The following RXRA variants were observed in gnomAD, a reference collection of about 807,000 sequenced individuals.
The protein encoded by RXRA is retinoic acid receptor RXR-alpha.
Under a neutral mutation model 44.5 loss-of-function variants are expected in RXRA, and 5 were observed. The ratio of observed to expected loss-of-function variants is 0.11; its 90% CI spans 0.06 to 0.24. RXRA has a LOEUF of 0.24. RXRA is among the 10% of genes least tolerant of loss of function. The probability of loss-of-function intolerance (pLI) is 1.00; values close to 1 mark genes in which losing one functional copy is unlikely to be tolerated. For synonymous variants in RXRA, 291 were observed against 271.4 expected (o/e 1.07, Z -0.71); for missense variants, 412 against 646.5 (o/e 0.64, Z 3.93).
At chr9:134,377,568 G>A (rs1830576930) in intron 1 of RXRA, among the ~76,000 whole-genome samples, 1 of 152,192 alleles carries the variant, frequency 6.6e-6, no homozygotes, top group Non-Finnish European at 1.5e-5. Flanking sequence ...CACACCCCCA[G>A]CTCCCGCGAC....
intron 5 of RXRA, among the ~76,000 whole-genome samples, chr9:134,421,252 G>A (rs1199844399): frequency 1.3e-5 from 2 of 152,194 alleles, no homozygotes; most frequent in African/African-American, 4.8e-5. Context: ...GCTGGCTCCT[G>A]GAGGCTCTGC....
rs975280271 is a variant in RXRA, at chr9:134,365,157, G to A, written c.29-36475G>A. 6.6e-6 allele frequency among the ~76,000 whole-genome samples: 1 copy of A among 152,238 alleles called. No individual in the cohort carries two copies. The highest frequency in any genetic ancestry group is 1.9e-4 in the East Asian group (1 of 5,192). On this transcript the variant is annotated intron_variant, in intron 1 of 9. Coordinates refer to ENST00000481739, the MANE Select transcript of RXRA (RefSeq NM_002957.6). This position sits in a 1 kb window ranked among gnomAD's most constrained non-coding sequence, Gnocchi z 4.0. ...GCCACCACAGAGGCGGCTGTTGCTG[G>A]AGGGCTGATGGCACGCTGGGCCCGG...
chr9:134,335,435 A>AG (rs1260732959), intron 1 of RXRA, among the ~76,000 whole-genome samples: 2 of 152,176 alleles, frequency 1.3e-5, no homozygotes, highest in African/African-American at 4.8e-5. Context: ...GATTCTTTCC[A>AG]GGGGGATCTG....
At chr9:134,386,666 G>A (rs910354818) in intron 1 of RXRA, among the ~76,000 whole-genome samples, 1 of 152,198 alleles carries the variant, frequency 6.6e-6, no homozygotes, top group African/African-American at 2.4e-5. Flanking sequence ...GTCAGCAACA[G>A]CAAACTGAGG....
At chr9:134,405,943 C>G (rs1051834908) in intron 2 of RXRA, 3 of 152,360 alleles carry the variant, frequency 2.0e-5, no homozygotes, top group Admixed American at 2.0e-4. Flanking sequence ...GCCCCTGTGC[C>G]TGGGACACCC....
chr9:134,408,677 A>C (rs1831096899), intron 3 of RXRA, among the ~76,000 whole-genome samples: 1 of 152,226 alleles, frequency 6.6e-6, no homozygotes. Context: ...CGGGCTGCAC[A>C]GTGCAGACAC....
chr9:134,368,570 G>A (rs1037540737), intron 1 of RXRA, among the ~76,000 whole-genome samples: 28 of 151,780 alleles, frequency 1.8e-4, no homozygotes, highest in South Asian at 4.2e-4. Flanking sequence ...TATTTTGTAT[G>A]TATAGGTATG....
chr9:134,353,194 A>G (rs1830242710), intron 1 of RXRA, among the ~76,000 whole-genome samples: 1 of 151,920 alleles, frequency 6.6e-6, no homozygotes, highest in Non-Finnish European at 1.5e-5. Context: ...TTTACTTTTG[A>G]AACAAGAGCA....
intron 1 of RXRA, among the ~76,000 whole-genome samples, chr9:134,378,125 G>A (rs2119095650): frequency 6.6e-6 from 1 of 152,368 alleles, no homozygotes; most frequent in Non-Finnish European, 1.5e-5. Context: ...CAGGAAGCTG[G>A]CAGCCACCCA....
chr9:134,386,828 G>A lies in RXRA; in HGVS notation c.29-14804G>A, dbSNP rs565951732. On this transcript the variant is annotated intron_variant, in intron 1 of 9. Transcript: ENST00000481739. ...CTGGGCTCTGGGCAAGGGTGGGAGC[G>A]TGGGTGGTTCTCCTCCCTCTCCTTA... is the stretch of plus-strand genomic sequence containing the variant. Among the ~76,000 whole-genome samples the A allele has an allele frequency of 2.6e-5, 4 of 152,306 alleles. No homozygotes were observed. The East Asian group carries it at 7.7e-4, about 29-fold the overall frequency.
intron 2 of RXRA, 133 bp from the exon 3 acceptor site, chr9:134,408,016 A>T: frequency 1.8e-6 from 1 of 557,502 alleles, no homozygotes; most frequent in Non-Finnish European, 3.0e-6. Flanking sequence ...GGTGGGGGGC[A>T]CGGCCCTCTC....
chr9:134,416,722 G>A (rs931740888), intron 4 of RXRA, among the ~76,000 whole-genome samples: 1 of 151,952 alleles, frequency 6.6e-6, no homozygotes, highest in African/African-American at 2.4e-5. Flanking sequence ...TCATGAGCGT[G>A]CTCTGCTCTG....
At chr9:134,418,850 C>T (rs1404931832) in intron 5 of RXRA, among the ~76,000 whole-genome samples, 1 of 152,230 alleles carries the variant, frequency 6.6e-6, no homozygotes, top group Non-Finnish European at 1.5e-5. Flanking sequence ...AGCGACCCCA[C>T]CCTGCTCGTT....
At chr9:134,356,079 A>G (rs1481280529) in intron 1 of RXRA, among the ~76,000 whole-genome samples, 1 of 152,100 alleles carries the variant, frequency 6.6e-6, no homozygotes, top group East Asian at 1.9e-4. Flanking sequence ...GTCTCAGGCC[A>G]GGCCTCCTTT....
rs1385846596 is a variant in RXRA, at chr9:134,439,135, G to A, written c.*2521G>A. 6.6e-6 allele frequency: 1 copy of A among 152,190 alleles called. No individual in the cohort carries two copies. The highest frequency in any genetic ancestry group is 1.5e-5 in the Non-Finnish European group (1 of 68,028). 9.4% of individuals were successfully genotyped at this position (152,190 alleles called of 1,614,324 possible). A position where few individuals can be genotyped will look rare whatever the true frequency, so the allele number is the denominator to read the frequency against. On this transcript the variant is annotated 3_prime_UTR_variant, in exon 10 of 10. Coordinates refer to ENST00000481739, the MANE Select transcript of RXRA (RefSeq NM_002957.6). The stretch of plus-strand genomic sequence containing the variant: ...TCCAGTTCAATTAAGGTGATTTTTT[G>A]TAATTATTATTATTTTGGTGGGACA...
chr9:134,326,486 C>A lies in RXRA; in HGVS notation c.-146C>A, dbSNP rs1241331594. The A allele has an allele frequency of 7.0e-6, 1 of 142,360 alleles. No homozygotes were observed. The highest frequency in any genetic ancestry group is 1.6e-5 in the Non-Finnish European group (1 of 64,412). 8.8% of individuals were successfully genotyped at this position (142,360 alleles called of 1,614,324 possible). ...CATTGTTGGGCGACTTTTGCAACAACTCGCCGCGCCGCGGCCTCCGCGCGC... is the reference window on the plus strand; with the variant it reads ...CATTGTTGGGCGACTTTTGCAACAAATCGCCGCGCCGCGGCCTCCGCGCGC... On this transcript the variant is annotated 5_prime_UTR_variant, in exon 1 of 10. Transcript: ENST00000481739.
At chr9:134,403,254 A>G (rs12352012) in intron 2 of RXRA, 16,435 of 152,230 alleles carry the variant, frequency 0.11, 2,905 homozygotes, top group African/African-American at 0.37. Context: ...TTCTGGGCCA[A>G]CCCCATCAAA....
chr9:134,366,826 G>A lies in RXRA; in HGVS notation c.29-34806G>A, dbSNP rs1356580910. Among the ~76,000 whole-genome samples, 1 of 152,214 alleles carries A rather than the reference G, an allele frequency of 6.6e-6. No homozygotes were observed. The highest frequency in any genetic ancestry group is 1.5e-5 in the Non-Finnish European group (1 of 68,032). On this transcript the variant is annotated intron_variant, in intron 1 of 9. Transcript: ENST00000481739. This position sits in a 1 kb window ranked among gnomAD's most constrained non-coding sequence, Gnocchi z 5.9. ...CACAGATGCCTGGGGACAAGGATTAGTGTGAGCAAAGACACAGGAGTCGGG... is the reference window on the plus strand; with the variant it reads ...CACAGATGCCTGGGGACAAGGATTAATGTGAGCAAAGACACAGGAGTCGGG...
chr9:134,355,905 G>T (rs935902510), intron 1 of RXRA, among the ~76,000 whole-genome samples: 1 of 152,190 alleles, frequency 6.6e-6, no homozygotes, highest in Non-Finnish European at 1.5e-5. Context: ...GCTTTGAGGA[G>T]GTCAGGGTCT....
Sources: allele counts gnomAD v4.1 joint callset (sites outside exome capture counted in the v4.1 genomes callset), GRCh38; gene constraint gnomAD v4.1.1; non-coding constraint Gnocchi (gnomAD v3.1); transcripts MANE v1.5; gene names NCBI Gene and HGNC (gene_info 2026-07-23, HGNC 2026-07-21).